Variants in ZNF324B observed in about 807,000 individuals in gnomAD.
The protein encoded by ZNF324B is zinc finger protein 324B.
Under a neutral mutation model 10.6 loss-of-function variants are expected in ZNF324B, and 7 were observed. The ratio of observed to expected loss-of-function variants is 0.66; its 90% CI spans 0.38 to 1.24. The LOEUF (loss-of-function observed/expected upper bound fraction) is 1.24, where lower values mean the gene tolerates loss of function less well. ZNF324B is among the 50% of genes most tolerant of loss of function. ZNF324B has a pLI of 0.02. For synonymous variants in ZNF324B, 316 were observed against 321.0 expected, an observed-to-expected ratio of 0.98 and a Z score of 0.17; for missense variants, 640 against 764.7, an observed-to-expected ratio of 0.84 and a Z score of 1.92.
upstream of ZNF324B, among the ~76,000 whole-genome samples, chr19:58,448,288 T>C (rs1397049655): frequency 6.6e-6 from 1 of 152,224 alleles, no homozygotes; most frequent in Non-Finnish European, 1.5e-5. Flanking sequence ...GGCAATGAAC[T>C]CCAGGCTGAG....
the ZNF324B span, chr19:58,419,096 C>A: frequency 6.6e-6 from 1 of 152,118 alleles, no homozygotes; most frequent in African/African-American, 2.4e-5. Flanking sequence ...TTTGTATTGG[C>A]CCCTGAGTCC....
the ZNF324B span, chr19:58,430,870 T>C: frequency 6.6e-6 from 1 of 152,226 alleles, no homozygotes; most frequent in Non-Finnish European, 1.5e-5. Flanking sequence ...TGTTATCTGA[T>C]GTTAGAGCTG....
the ZNF324B span, among the ~76,000 whole-genome samples, chr19:58,420,877 T>C: frequency 6.6e-6 from 1 of 151,436 alleles, no homozygotes; most frequent in African/African-American, 2.4e-5. Flanking sequence ...CCGGCTAATT[T>C]GTATTTTTAG....
At chr19:58,453,670 C>T (rs750409959) in intron 1 of ZNF324B, 26 bp from the exon 2 acceptor site, 40 of 1,614,178 alleles carry the variant, frequency 2.5e-5, no homozygotes, top group Non-Finnish European at 3.1e-5. Flanking sequence ...TAGACCATGC[C>T]TACCTCCACC....
chr19:58,444,346 A>C, the ZNF324B span: 1 of 152,204 alleles, frequency 6.6e-6, no homozygotes, highest in Non-Finnish European at 1.5e-5. Flanking sequence ...ATCTTTAAAT[A>C]GTTGTTATCT....
At chr19:58,435,448 G>A in the ZNF324B span, 1 of 462,150 alleles carries the variant, frequency 2.2e-6, no homozygotes. Flanking sequence ...TGGGTCAAAG[G>A]ACTTAAATAG....
At chr19:58,442,686 T>C in the ZNF324B span, 1 of 152,130 alleles carries the variant, frequency 6.6e-6, no homozygotes, top group Non-Finnish European at 1.5e-5. Context: ...ACCTCAGGAG[T>C]GAAGCTGCAG....
chr19:58,456,492 C>A lies in ZNF324B; in HGVS notation c.1548C>A (p.Thr516=). 6.2e-7 allele frequency: 1 copy of A among 1,614,208 alleles called. No homozygotes were observed. The highest frequency in any genetic ancestry group is 8.5e-7 in the Non-Finnish European group (1 of 1,180,038). Residue 516 remains threonine (T), a synonymous_variant, in exon 4 of 4, where the codon ACC becomes ACA. Transcript: ENST00000336614. The surrounding 1 kb of genome is among the most constrained non-coding windows in gnomAD (Gnocchi z 4.7). ...EKTNAAAPDC[T]PGPGFLQGHH... ...CCAATGCCGCAGCACCAGACTGCACCCCGGGGCCAGGTTTCCTTCAGGGAC... is the reference window on the plus strand; with the variant it reads ...CCAATGCCGCAGCACCAGACTGCACACCGGGGCCAGGTTTCCTTCAGGGAC...
At chr19:58,445,614 G>C in the ZNF324B span, 6 of 415,618 alleles carry the variant, frequency 1.4e-5, no homozygotes, top group Non-Finnish European at 2.8e-5. Flanking sequence ...TCAGGAGTTT[G>C]AGACCAACCT....
At chr19:58,454,388 G>C (rs1415393111) in intron 3 of ZNF324B, 44 bp downstream of exon 3, 1 of 1,292,122 alleles carries the variant, frequency 7.7e-7, no homozygotes, top group South Asian at 1.2e-5. Context: ...CCAACCTGTG[G>C]CCAAGCCCAT....
In ZNF324B at chr19:58,457,081, G is replaced by A; in HGVS notation, c.*502G>A. 5.9e-6 allele frequency: 1 copy of A among 168,928 alleles called. No homozygotes were observed. The highest frequency in any genetic ancestry group is 5.5e-5 in the Admixed American group (1 of 18,304). 10.5% of individuals were successfully genotyped at this position (168,928 alleles called of 1,614,324 possible). A position where few individuals can be genotyped will look rare whatever the true frequency, so the allele number is the denominator to read the frequency against. ...CCATCTCAGCAAACAGGAGACTACA[G>A]GGGACTGGGGATCAGGGTGTGGCCT... is the stretch of plus-strand genomic sequence containing the variant. On this transcript the variant is annotated 3_prime_UTR_variant, in exon 4 of 4. Transcript: ENST00000336614.
the ZNF324B span, among the ~76,000 whole-genome samples, chr19:58,431,452 G>T: frequency 6.6e-6 from 1 of 152,086 alleles, no homozygotes; most frequent in Non-Finnish European, 1.5e-5. Flanking sequence ...CTAGAGATGG[G>T]GCCTTGCTAT....
the ZNF324B span, chr19:58,429,100 C>T: frequency 1.3e-5 from 2 of 152,236 alleles, 1 homozygote; most frequent in East Asian, 3.8e-4. Flanking sequence ...GGCCTTAGGG[C>T]AACAAGACAA....
chr19:58,418,827 C>T, the ZNF324B span: 1 of 152,292 alleles, frequency 6.6e-6, no homozygotes, highest in Non-Finnish European at 1.5e-5. Context: ...CCAGGCTGGT[C>T]ATGAACTCTT....
rs768999969 is a variant in ZNF324B at position 58,455,177 on chromosome 19, G to C, written c.239-6G>C. On this transcript the variant is annotated splice_polypyrimidine_tract_variant and splice_region_variant and intron_variant, in intron 3 of 3. Coordinates refer to ENST00000336614, the MANE Select transcript of ZNF324B (RefSeq NM_207395.3). The surrounding 1 kb of genome is among the most constrained non-coding windows in gnomAD (Gnocchi z 7.0). ...CCCCAGGCAACCACCGTTTCTCTGC[G>C]TTTAGGTTCCTGGAGTTTGACAGAG... is the stretch of plus-strand genomic sequence containing the variant. 14 of 1,614,008 alleles carry C rather than the reference G, an allele frequency of 8.7e-6. No individual in the cohort carries two copies. The highest frequency in any genetic ancestry group is 1.6e-4 in the Middle Eastern group (1 of 6,062).
At chr19:58,429,439 C>G in the ZNF324B span, 1 of 152,424 alleles carries the variant, frequency 6.6e-6, no homozygotes, top group African/African-American at 2.4e-5. Context: ...GATCTCGGCT[C>G]ACTGCACACC....
At chr19:58,427,291 T>TTTCTTTC in the ZNF324B span, among the ~76,000 whole-genome samples, 151 of 58,416 alleles carry the variant, frequency 2.6e-3, 4 homozygotes, top group African/African-American at 8.0e-3. Flanking sequence ...TGCCTGGCTT[T>TTTCTTTC]TTTCTTTCTT....
chr19:58,454,699 C>A (rs140070816), intron 3 of ZNF324B: 1 of 564,968 alleles, frequency 1.8e-6, no homozygotes, highest in Non-Finnish European at 3.1e-6. Context: ...ACAGCCTTGA[C>A]CAGGACACTC....
chr19:58,437,140 A>C, the ZNF324B span: 1 of 1,614,150 alleles, frequency 6.2e-7, no homozygotes, highest in Non-Finnish European at 8.5e-7. Flanking sequence ...TCTTGGGAGA[A>C]GTATACAGCC....
Sources: gnomAD v4.1 joint callset for allele counts (sites outside exome capture counted in the v4.1 genomes callset) on GRCh38, gnomAD v4.1.1 for gene constraint, Gnocchi (gnomAD v3.1) non-coding constraint, MANE v1.5 for transcripts, NCBI Gene and HGNC (gene_info 2026-07-23, HGNC 2026-07-21) for gene names.